The following MED13L variants were observed in gnomAD, a reference collection of about 807,000 sequenced individuals.
MED13L encodes mediator of RNA polymerase II transcription subunit 13-like.
Under a neutral mutation model 220.9 loss-of-function variants are expected in MED13L, and 7 were observed. The observed-to-expected ratio is 0.03, with a 90% CI of 0.02 to 0.06. The LOEUF (loss-of-function observed/expected upper bound fraction) is 0.06. Ranked by LOEUF, MED13L falls within the 10% of genes least tolerant of loss-of-function variation. MED13L has a pLI of 1.00. For missense variants in MED13L, 1,965 were observed against 2,760.5 expected (o/e 0.71, Z 6.46); for synonymous variants, 1,011 against 1,015.2 (o/e 1.00, Z 0.08).
chr12:116,088,260 G>C (rs1208895399), intron 4 of MED13L, among the ~76,000 whole-genome samples: 1 of 152,106 alleles, frequency 6.6e-6, no homozygotes, highest in Non-Finnish European at 1.5e-5. Context: ...AAGAACCAGA[G>C]GACTGAGTTA....
chr12:116,144,327 G>C (rs1877311592), intron 2 of MED13L, among the ~76,000 whole-genome samples: 1 of 152,042 alleles, frequency 6.6e-6, no homozygotes, highest in Non-Finnish European at 1.5e-5. Context: ...CCCATCTCTT[G>C]TCCTTCACTG....
Position 115,959,766 on chromosome 12 carries a change from A to T in MED13L, c.*1500T>A, listed in dbSNP as rs1007269825. On this transcript the variant is annotated 3_prime_UTR_variant, in exon 31 of 31. Coordinates refer to ENST00000281928, the MANE Select transcript of MED13L (RefSeq NM_015335.5). ...CACCACACAACTTTTTTTTTAATATAATGTTTTAAACTTTAGATTATTTCA... is the reference window on the plus strand; with the variant it reads ...CACCACACAACTTTTTTTTTAATATTATGTTTTAAACTTTAGATTATTTCA... 3 of 152,560 alleles carry T rather than the reference A, an allele frequency of 2.0e-5. No individual in the cohort carries two copies. The highest frequency in any genetic ancestry group is 4.4e-5 in the Non-Finnish European group (3 of 68,020). The allele number at this position is 152,560 out of a possible 1,614,324, so 9.5% of individuals were successfully genotyped here. A position where few individuals can be genotyped will look rare whatever the true frequency, so the allele number is the denominator to read the frequency against.
chr12:115,989,601 C>T (rs181501250), intron 17 of MED13L, among the ~76,000 whole-genome samples: 7 of 152,256 alleles, frequency 4.6e-5, no homozygotes, highest in African/African-American at 1.2e-4. Flanking sequence ...GATACCTCTA[C>T]CTGGATATAT....
intron 1 of MED13L, among the ~76,000 whole-genome samples, chr12:116,250,066 A>G (rs943111744): frequency 1.3e-5 from 2 of 150,730 alleles, no homozygotes; most frequent in Admixed American, 6.6e-5. Flanking sequence ...AAAATACATC[A>G]AAATAAAATT....
In MED13L at chr12:115,991,337, G is replaced by C. The variant is rs759419881; in HGVS notation, c.3617C>G (p.Ser1206Cys). ...AAERRLMMCQ[S>C]TFLPQVEGTK... The stretch of plus-strand genomic sequence containing the variant: ...TCCTTCCACCTGAGGAAGGAAGGTG[G>C]ACTGACACATCATTAAGCGCCTCTC... The change falls in exon 17 of 31, where the codon TCC (serine) becomes TGC (cysteine). Residue 1206 changes from serine (S) to cysteine (C), a missense_variant. Around this residue, in one of 10 missense-constraint regions of MED13L, gnomAD observed 165 missense variants for 190.8 expected, o/e 0.86. Transcript: ENST00000281928. This position sits in a 1 kb window ranked among gnomAD's most constrained non-coding sequence, Gnocchi z 7.7. 1.2e-6 allele frequency: 2 copies of C among 1,613,968 alleles called. No individual in the cohort carries two copies. The highest frequency in any genetic ancestry group is 1.7e-6 in the Non-Finnish European group (2 of 1,180,014).
intron 4 of MED13L, among the ~76,000 whole-genome samples, chr12:116,026,031 T>C (rs1188235568): frequency 6.6e-6 from 1 of 151,398 alleles, no homozygotes; most frequent in South Asian, 2.1e-4. Flanking sequence ...AGAAAGAAAA[T>C]AGGGTTTAAT....
chr12:116,040,849 A>G (rs1881481621), intron 4 of MED13L, among the ~76,000 whole-genome samples: 2 of 152,188 alleles, frequency 1.3e-5, no homozygotes, highest in African/African-American at 2.4e-5. Flanking sequence ...AGGCAACTAC[A>G]TGTGATTGGC....
chr12:116,132,270 ACTT>A (rs2138008552), intron 2 of MED13L, among the ~76,000 whole-genome samples: 1 of 142,686 alleles, frequency 7.0e-6, no homozygotes, highest in South Asian at 2.3e-4. Context: ...AGAGAGCAAT[ACTT>A]CGTCTCAAAA....
At chr12:116,065,573 G>C (rs889337303) in intron 4 of MED13L, among the ~76,000 whole-genome samples, 5 of 152,056 alleles carry the variant, frequency 3.3e-5, no homozygotes, top group Non-Finnish European at 7.4e-5. Context: ...CCAGATCCAA[G>C]CTTTACTTAT....
chr12:116,078,689 T>C (rs1198122786), intron 4 of MED13L, among the ~76,000 whole-genome samples: 1 of 152,176 alleles, frequency 6.6e-6, no homozygotes, highest in African/African-American at 2.4e-5. Context: ...CTGACTAGAT[T>C]TGCCAGAGCC....
At chr12:116,042,900 A>G (rs1431991373) in intron 4 of MED13L, among the ~76,000 whole-genome samples, 1 of 152,168 alleles carries the variant, frequency 6.6e-6, no homozygotes, top group Non-Finnish European at 1.5e-5. Flanking sequence ...TACACTGTTT[A>G]CCCTCAAGAG....
chr12:116,038,553 C>A (rs1881324836), intron 4 of MED13L, among the ~76,000 whole-genome samples: 1 of 151,956 alleles, frequency 6.6e-6, no homozygotes, highest in South Asian at 2.1e-4. Context: ...AAGTGGCAGT[C>A]ATGGTGGAAT....
At chr12:116,106,219 GAAGCAGGCCA>G (rs1412476332) in intron 3 of MED13L, among the ~76,000 whole-genome samples, 24 of 152,178 alleles carry the variant, frequency 1.6e-4, no homozygotes, top group African/African-American at 5.5e-4. Flanking sequence ...ATGGTATCTT[GAAGCAGGCCA>G]AAATGAAGAG....
In MED13L at chr12:116,240,749, G is replaced by C. The variant is rs538268060; in HGVS notation, c.73-3044C>G. ...GACGGGGGGGTTTCACTGTGGTCTC[G>C]ATCTCCTGACCTCGTGACCCGCCCA... On this transcript the variant is annotated intron_variant, in intron 1 of 30. Transcript: ENST00000281928. 7.1e-3 allele frequency among the ~76,000 whole-genome samples: 1,049 copies of C among 148,726 alleles called. 8 individuals carry two copies. The highest frequency in any genetic ancestry group is 0.025 in the African/African-American group (1,012 of 40,472).
chr12:116,197,353 C>CT (rs1881698846), intron 2 of MED13L, among the ~76,000 whole-genome samples: 1 of 152,174 alleles, frequency 6.6e-6, no homozygotes, highest in Non-Finnish European at 1.5e-5. Context: ...ATAAGGAACT[C>CT]TATCTCTGTT....
intron 2 of MED13L, among the ~76,000 whole-genome samples, chr12:116,166,639 C>T (rs1271527585): frequency 6.6e-6 from 1 of 152,102 alleles, no homozygotes; most frequent in Non-Finnish European, 1.5e-5. Context: ...AGTCAAATCA[C>T]CATATTATCT....
At position 116,015,188 on chromosome 12, in the gene MED13L, C is replaced by A. The variant is rs1301128141; in HGVS notation, c.1096G>T (p.Gly366Trp). Residue 366 changes from glycine to tryptophan, a missense_variant, in exon 8 of 31, where the codon GGG becomes TGG. This residue lies in a region of MED13L where 818 missense variants were observed against 1,041.2 expected (regional missense o/e 0.79). Transcript: ENST00000281928. Reference sequence around the variant, plus strand: ...TTGTGGAGTTTTGGAGGAATCTTCCCCGATCTCTTTGGACTGTGCATCGTT... The same window carrying A: ...TTGTGGAGTTTTGGAGGAATCTTCCACGATCTCTTTGGACTGTGCATCGTT... ...MITMHSPKRS[G>W]KIPPKLHNHM... is the part of the protein sequence containing the mutation. 6.2e-7 allele frequency: 1 copy of A among 1,613,696 alleles called. No homozygotes were observed. The highest frequency in any genetic ancestry group is 1.3e-5 in the African/African-American group (1 of 74,870).
At chr12:116,198,586 A>G (rs1881799891) in intron 2 of MED13L, among the ~76,000 whole-genome samples, 1 of 152,222 alleles carries the variant, frequency 6.6e-6, no homozygotes, top group Non-Finnish European at 1.5e-5. Context: ...TCAAAGGAGC[A>G]CAGTGTTTCT....
At chr12:116,241,938 A>G (rs1870687838) in intron 1 of MED13L, among the ~76,000 whole-genome samples, 1 of 152,176 alleles carries the variant, frequency 6.6e-6, no homozygotes, top group African/African-American at 2.4e-5. Context: ...TAGTTTGTCC[A>G]AGAAAAAAAA....
Sources: gnomAD v4.1 joint callset for allele counts (sites outside exome capture counted in the v4.1 genomes callset) on GRCh38, gnomAD v4.1.1 for gene constraint, gnomAD v4.1.1 regional missense constraint, Gnocchi (gnomAD v3.1) non-coding constraint, MANE v1.5 for transcripts, NCBI Gene and HGNC (gene_info 2026-07-23, HGNC 2026-07-21) for gene names.